The following PM20D2 variants were observed in gnomAD, a reference collection of about 807,000 sequenced individuals.
PM20D2 encodes the protein peptidase M20 domain containing 2, also known as xaa-Arg dipeptidase.
A neutral mutation model predicts 42.9 loss-of-function variants in PM20D2; 33 were observed. That is an observed-to-expected ratio of 0.77 (90% CI 0.58 to 1.03). The LOEUF (loss-of-function observed/expected upper bound fraction) is 1.03, where lower values mean the gene tolerates loss of function less well. Ranked by LOEUF, PM20D2 falls within the 50% of genes least tolerant of loss-of-function variation. The pLI, the probability that PM20D2 is intolerant of heterozygous loss-of-function variation, is 0.00. For missense variants in PM20D2, 548 were observed against 557.0 expected (o/e 0.98, Z 0.16); for synonymous variants, 250 against 228.2 (o/e 1.10, Z -0.86).
chr6:89,150,604 A>G (rs7739816), intron 2 of PM20D2, among the ~76,000 whole-genome samples: 31,135 of 137,014 alleles, frequency 0.23, 3,885 homozygotes, highest in East Asian at 0.65. Context: ...CAGTGGCACG[A>G]TCTTGGCTCA....
At position 89,146,093 on chromosome 6, in the gene PM20D2, T is replaced by C; in HGVS notation, c.-52T>C. The C allele has an allele frequency of 7.3e-7, 1 of 1,361,254 alleles. No individual in the cohort carries two copies. The highest frequency in any genetic ancestry group is 1.8e-5 in the South Asian group (1 of 56,424). The allele number at this position is 1,361,254 out of a possible 1,614,324, so 84.3% of individuals were successfully genotyped here. On this transcript the variant is annotated 5_prime_UTR_variant, in exon 1 of 7. Transcript: ENST00000275072. ...GGCGCGTGCGCGGGCGGTCGCTACC[T>C]GCGGCCGAGCCAGGGAGCGAGAGGG...
At chr6:89,156,490 T>A (rs1222554449) in intron 4 of PM20D2, among the ~76,000 whole-genome samples, 1 of 152,248 alleles carries the variant, frequency 6.6e-6, no homozygotes, top group Non-Finnish European at 1.5e-5. Context: ...TTCATTTATA[T>A]TGCCTTATTT....
chr6:89,149,178 A>G, intron 1 of PM20D2, 87 bp from the exon 2 acceptor site: 1 of 1,475,450 alleles, frequency 6.8e-7, no homozygotes, highest in East Asian at 2.3e-5. Context: ...TTTAATGTAG[A>G]TTGTGAATAC....
At chr6:89,160,288 C>G (rs1425067530) in intron 5 of PM20D2, among the ~76,000 whole-genome samples, 1 of 152,196 alleles carries the variant, frequency 6.6e-6, no homozygotes, top group Non-Finnish European at 1.5e-5. Context: ...TACCACATAA[C>G]TAGCAGCTGT....
chr6:89,127,353 G>A, the PM20D2 span, among the ~76,000 whole-genome samples: 6 of 149,334 alleles, frequency 4.0e-5, no homozygotes, highest in South Asian at 2.1e-4. Context: ...TTTTTGAGAC[G>A]GAGTGTCACT....
At chr6:89,154,258 A>G (rs542658824) in intron 3 of PM20D2, among the ~76,000 whole-genome samples, 1 of 152,274 alleles carries the variant, frequency 6.6e-6, no homozygotes, top group African/African-American at 2.4e-5. Flanking sequence ...TTGACAGTTG[A>G]TAATACTTAG....
At chr6:89,136,391 C>T in the PM20D2 span, among the ~76,000 whole-genome samples, 4 of 151,196 alleles carry the variant, frequency 2.6e-5, no homozygotes, top group African/African-American at 7.4e-5. Context: ...AAATTTCCAA[C>T]CAGAGGCCGG....
the PM20D2 span, chr6:89,097,325 A>G: frequency 6.6e-6 from 1 of 152,204 alleles, no homozygotes; most frequent in Admixed American, 6.5e-5. Context: ...AAACCATTCT[A>G]TCACAAACAC....
chr6:89,150,801 A>G (rs564695190), intron 2 of PM20D2, among the ~76,000 whole-genome samples: 2 of 150,870 alleles, frequency 1.3e-5, no homozygotes, highest in African/African-American at 4.8e-5. Context: ...CGGCCTCCCA[A>G]AGTGCTGGGG....
the PM20D2 span, chr6:89,117,742 C>T: frequency 7.3e-7 from 1 of 1,376,070 alleles, no homozygotes; most frequent in Non-Finnish European, 9.5e-7. Flanking sequence ...CGAGCCTCCG[C>T]CGGGCCTCGG....
At chr6:89,102,968 TTG>T in the PM20D2 span, among the ~76,000 whole-genome samples, 1 of 152,162 alleles carries the variant, frequency 6.6e-6, no homozygotes, top group African/African-American at 2.4e-5. Context: ...TCTCACTATG[TTG>T]CCCAGGCTGG....
At chr6:89,124,736 G>GTTGTTTTTT in the PM20D2 span, among the ~76,000 whole-genome samples, 7 of 108,436 alleles carry the variant, frequency 6.5e-5, no homozygotes, top group African/African-American at 2.5e-4. Flanking sequence ...TGCTGTTGTT[G>GTTGTTTTTT]TTTTTTTTTT....
intron 4 of PM20D2, among the ~76,000 whole-genome samples, chr6:89,155,155 C>T (rs1184421023): frequency 6.6e-6 from 1 of 151,692 alleles, no homozygotes; most frequent in Non-Finnish European, 1.5e-5. Context: ...TGCTAGAATC[C>T]CTGCCTTTTT....
the PM20D2 span, among the ~76,000 whole-genome samples, chr6:89,135,509 A>G: frequency 6.6e-6 from 1 of 151,184 alleles, no homozygotes; most frequent in Non-Finnish European, 1.5e-5. Flanking sequence ...AATTGGCCAC[A>G]CTCATTAACC....
rs530181629 is a variant in PM20D2 at position 89,148,568 on chromosome 6, C to T, written c.466-697C>T. 49 of 982,346 alleles carry T rather than the reference C, an allele frequency of 5.0e-5. No individual in the cohort carries two copies. In the African/African-American group the frequency reaches 5.8e-4, roughly 12 times the overall value. The allele number at this position is 982,346 out of a possible 1,614,324, so 60.9% of individuals were successfully genotyped here. A position where few individuals can be genotyped will look rare whatever the true frequency, so the allele number is the denominator to read the frequency against. ...ATCTGCCTGGTTGAACTGGTGGAAT[C>T]GAATTAGTAAGTTTGTGTAATAGTT... On this transcript the variant is annotated intron_variant, in intron 1 of 6. Coordinates refer to ENST00000275072, the MANE Select transcript of PM20D2 (RefSeq NM_001010853.3).
chr6:89,111,062 T>C, the PM20D2 span, among the ~76,000 whole-genome samples: 2 of 151,858 alleles, frequency 1.3e-5, no homozygotes, highest in Non-Finnish European at 2.9e-5. Flanking sequence ...CACTGAGCTA[T>C]GATCATGCTA....
chr6:89,124,419 A>T, the PM20D2 span, among the ~76,000 whole-genome samples: 16 of 152,226 alleles, frequency 1.1e-4, no homozygotes, highest in Admixed American at 1.0e-3. Context: ...ATAGACACGT[A>T]TGTAAATAAG....
chr6:89,149,079 A>G (rs1235913818), intron 1 of PM20D2, among the ~76,000 whole-genome samples, 186 bp from the exon 2 acceptor site: 4 of 152,216 alleles, frequency 2.6e-5, no homozygotes, highest in East Asian at 1.9e-4. Flanking sequence ...TGGTATAACA[A>G]TGTACATTTT....
chr6:89,101,797 G>T, the PM20D2 span, among the ~76,000 whole-genome samples: 2 of 151,894 alleles, frequency 1.3e-5, no homozygotes, highest in South Asian at 4.2e-4. Context: ...ACTCACTATG[G>T]GTATCAGAAA....
Sources: allele counts gnomAD v4.1 joint callset (sites outside exome capture counted in the v4.1 genomes callset), GRCh38; gene constraint gnomAD v4.1.1; transcripts MANE v1.5; gene names NCBI Gene and HGNC (gene_info 2026-07-23, HGNC 2026-07-21).